Variants in FAM13A observed in about 807,000 individuals in gnomAD.
FAM13A encodes family with sequence similarity 13 member A.
In FAM13A, 76 loss-of-function variants were observed where a neutral mutation model predicts 129.6. The observed-to-expected ratio is 0.59, with a 90% CI of 0.49 to 0.71. The LOEUF (loss-of-function observed/expected upper bound fraction) is 0.71, where lower values mean the gene tolerates loss of function less well. Among genes scored for constraint, FAM13A ranks in the 30% least tolerant of loss-of-function variants. The pLI is 0.00. For missense variants in FAM13A, 1,108 were observed against 1,249.3 expected, an observed-to-expected ratio of 0.89 and a Z score of 1.70; for synonymous variants, 443 against 449.9, an observed-to-expected ratio of 0.98 and a Z score of 0.20.
intron 1 of FAM13A, among the ~76,000 whole-genome samples, chr4:89,048,398 T>C (rs1046852558): frequency 3.9e-5 from 6 of 152,200 alleles, no homozygotes; most frequent in African/African-American, 1.4e-4. Flanking sequence ...GTTCCATTTA[T>C]ATCAAATGTC....
intron 3 of FAM13A, among the ~76,000 whole-genome samples, chr4:89,000,233 C>G (rs554579192): frequency 1.3e-4 from 20 of 152,284 alleles, no homozygotes; most frequent in African/African-American, 3.4e-4. Flanking sequence ...CACACAAAAA[C>G]TTGTACATAA....
chr4:88,923,287 A>G lies in FAM13A; in HGVS notation c.759+14801T>C, dbSNP rs1225884284. On this transcript the variant is annotated intron_variant, in intron 5 of 23. Coordinates refer to ENST00000264344, the MANE Select transcript of FAM13A (RefSeq NM_014883.4). ...TAGACCAATATCCTTGATGAACATC[A>G]ATGCAAAAATCCTCAATAAAATACT... Among the ~76,000 whole-genome samples, 12 of 152,334 alleles carry G rather than the reference A, an allele frequency of 7.9e-5. No individual in the cohort carries two copies. The East Asian group carries it at 1.2e-3, about 15-fold the overall frequency.
chr4:89,002,760 A>G (rs969030296), intron 3 of FAM13A, among the ~76,000 whole-genome samples: 3 of 152,214 alleles, frequency 2.0e-5, no homozygotes, highest in African/African-American at 7.2e-5. Flanking sequence ...GATAATACAG[A>G]GAAAAGAAGA....
chr4:88,775,423 G>T (rs1721508652), intron 11 of FAM13A, among the ~76,000 whole-genome samples: 1 of 152,032 alleles, frequency 6.6e-6, no homozygotes, highest in South Asian at 2.1e-4. Flanking sequence ...AGAAGAATGG[G>T]GTCTGGGCAT....
chr4:88,781,873 G>A (rs1223741070), intron 10 of FAM13A, among the ~76,000 whole-genome samples: 1 of 151,256 alleles, frequency 6.6e-6, no homozygotes, highest in Admixed American at 6.6e-5. Flanking sequence ...ATAGCATTAG[G>A]AGATATACCT....
At chr4:88,817,026 A>G (rs917795702) in intron 7 of FAM13A, among the ~76,000 whole-genome samples, 10 of 152,212 alleles carry the variant, frequency 6.6e-5, no homozygotes, top group African/African-American at 2.2e-4. Flanking sequence ...CTACATCCAT[A>G]TATCATAATA....
At chr4:88,964,162 T>C (rs1415521348) in intron 4 of FAM13A, among the ~76,000 whole-genome samples, 1 of 152,172 alleles carries the variant, frequency 6.6e-6, no homozygotes, top group African/African-American at 2.4e-5. Context: ...CGGCTGAGAA[T>C]AATGAGAAGA....
At chr4:88,941,973 C>T (rs1362458663) in intron 4 of FAM13A, among the ~76,000 whole-genome samples, 1 of 152,008 alleles carries the variant, frequency 6.6e-6, no homozygotes, top group Non-Finnish European at 1.5e-5. Flanking sequence ...GATTTCAGTG[C>T]CAAAGCCATC....
At chr4:88,907,777 C>T (rs1015886118) in intron 5 of FAM13A, among the ~76,000 whole-genome samples, 2 of 152,120 alleles carry the variant, frequency 1.3e-5, no homozygotes, top group Admixed American at 6.5e-5. Context: ...TACTCATCTC[C>T]GATATACCAT....
intron 6 of FAM13A, among the ~76,000 whole-genome samples, chr4:88,887,839 T>C (rs550222864): frequency 1.3e-5 from 2 of 152,244 alleles, no homozygotes; most frequent in East Asian, 3.9e-4. Flanking sequence ...GGTCCATATG[T>C]GCCTTTCTTG....
intron 3 of FAM13A, among the ~76,000 whole-genome samples, chr4:89,016,291 T>G (rs545422054): frequency 6.6e-6 from 1 of 152,156 alleles, no homozygotes; most frequent in South Asian, 2.1e-4. Flanking sequence ...TGTAGAGCTA[T>G]GCAAGGTATT....
At chr4:88,876,311 C>T (rs1292551635) in intron 6 of FAM13A, among the ~76,000 whole-genome samples, 2 of 151,840 alleles carry the variant, frequency 1.3e-5, no homozygotes, top group Non-Finnish European at 2.9e-5. Context: ...AAAAGAATTG[C>T]ATTCTAATGC....
At chr4:88,919,529 G>A (rs1241500422) in intron 5 of FAM13A, among the ~76,000 whole-genome samples, 3 of 152,216 alleles carry the variant, frequency 2.0e-5, no homozygotes, top group Non-Finnish European at 4.4e-5. Context: ...AAGAATGTAT[G>A]AGTTGATTCA....
chr4:88,826,067 A>G (rs1732931246), intron 7 of FAM13A, among the ~76,000 whole-genome samples: 1 of 152,132 alleles, frequency 6.6e-6, no homozygotes, highest in Non-Finnish European at 1.5e-5. Context: ...GTCAGTGCAT[A>G]GTCAGGGAGT....
chr4:88,962,694 A>T (rs1758791821), intron 4 of FAM13A, among the ~76,000 whole-genome samples: 1 of 152,202 alleles, frequency 6.6e-6, no homozygotes, highest in Admixed American at 6.5e-5. Flanking sequence ...CATGACTAGA[A>T]GTTAGTGAAA....
intron 14 of FAM13A, among the ~76,000 whole-genome samples, chr4:88,750,889 C>T (rs1410339816): frequency 6.6e-6 from 1 of 152,196 alleles, no homozygotes; most frequent in Non-Finnish European, 1.5e-5. Flanking sequence ...TGCTAGGCTA[C>T]CCTGAGGAGC....
At chr4:89,027,522 A>C (rs1560862965) in intron 2 of FAM13A, among the ~76,000 whole-genome samples, 1 of 151,900 alleles carries the variant, frequency 6.6e-6, no homozygotes, top group Non-Finnish European at 1.5e-5. Flanking sequence ...TAAAAAAAAA[A>C]AAGCAATACA....
intron 5 of FAM13A, among the ~76,000 whole-genome samples, chr4:88,915,066 T>C (rs1285151255): frequency 6.6e-6 from 1 of 152,166 alleles, no homozygotes; most frequent in Non-Finnish European, 1.5e-5. Flanking sequence ...GCAATACTGA[T>C]ATGATTACAA....
intron 7 of FAM13A, among the ~76,000 whole-genome samples, chr4:88,805,898 G>A (rs1728459514): frequency 6.6e-6 from 1 of 151,946 alleles, no homozygotes; most frequent in African/African-American, 2.4e-5. Flanking sequence ...GAACTCCTGG[G>A]CTCAAGTGAT....
Sources: gnomAD v4.1 joint callset for allele counts (sites outside exome capture counted in the v4.1 genomes callset) on GRCh38, gnomAD v4.1.1 for gene constraint, MANE v1.5 for transcripts, NCBI Gene and HGNC (gene_info 2026-07-23, HGNC 2026-07-21) for gene names.